Variants in PPIC observed in about 807,000 individuals in gnomAD.
PPIC encodes peptidyl-prolyl cis-trans isomerase C.
A neutral mutation model predicts 19.5 loss-of-function variants in PPIC; 19 were observed. The ratio of observed to expected loss-of-function variants is 0.98; its 90% CI spans 0.68 to 1.43. The LOEUF (loss-of-function observed/expected upper bound fraction) is 1.43. Ranked by LOEUF, PPIC falls within the 40% of genes most tolerant of loss-of-function variation. The pLI is 0.00. For synonymous variants in PPIC, 107 were observed against 101.2 expected (o/e 1.06, Z -0.34); for missense variants, 268 against 268.6 (o/e 1.00, Z 0.02).
chr5:123,030,597 G>T (rs1369192978), intron 1 of PPIC, among the ~76,000 whole-genome samples: 2 of 152,146 alleles, frequency 1.3e-5, no homozygotes, highest in African/African-American at 4.8e-5. Context: ...GTTCCATGTG[G>T]CATTTTACAA....
At chr5:123,024,121 G>T in intron 4 of PPIC, 118 bp from the exon 5 acceptor site, 1 of 1,295,790 alleles carries the variant, frequency 7.7e-7, no homozygotes, top group Non-Finnish European at 1.0e-6. Context: ...TTGGTTGGTT[G>T]GTTGGTTTTT....
At chr5:123,028,714 T>C (rs1762898571) in intron 3 of PPIC, 61 bp downstream of exon 3, 2 of 1,370,888 alleles carry the variant, frequency 1.5e-6, no homozygotes, top group Admixed American at 1.8e-5. Context: ...TGGGTTCATA[T>C]ACTGGCTTAA....
At chr5:123,026,101 A>T (rs774422901) in intron 3 of PPIC, 133 bp from the exon 4 acceptor site, 1 of 719,814 alleles carries the variant, frequency 1.4e-6, no homozygotes, top group Non-Finnish European at 2.2e-6. Flanking sequence ...ATGTTCAAAC[A>T]TAAGCAGACA....
chr5:123,028,376 A>G (rs1293391178), intron 3 of PPIC: 1 of 165,516 alleles, frequency 6.0e-6, no homozygotes, highest in African/African-American at 2.4e-5. Flanking sequence ...ATCTCCTGGC[A>G]TGAGGCCCGT....
chr5:123,026,015 A>T (rs1043665719), intron 3 of PPIC, 47 bp from the exon 4 acceptor site: 2 of 1,501,748 alleles, frequency 1.3e-6, no homozygotes, highest in Non-Finnish European at 1.8e-6. Context: ...TCCAAAAGTC[A>T]GCTCTTCAAA....
chr5:123,024,699 T>G (rs1476084161), intron 4 of PPIC, among the ~76,000 whole-genome samples: 1 of 152,222 alleles, frequency 6.6e-6, no homozygotes, highest in Non-Finnish European at 1.5e-5. Flanking sequence ...TTCCCAAACT[T>G]GTGTTAGATA....
Position 123,036,324 on chromosome 5 carries a change from C to T in PPIC, c.117+185G>A. ...CTCAGCCCAGCTCCCCCAGGGTCTCCCCCGGAGCGCCGGCCTCCCAGCACG... is the reference window on the plus strand; with the variant it reads ...CTCAGCCCAGCTCCCCCAGGGTCTCTCCCGGAGCGCCGGCCTCCCAGCACG... On this transcript the variant is annotated intron_variant, in intron 1 of 4. Transcript: ENST00000306442. This position sits in a 1 kb window ranked among gnomAD's most constrained non-coding sequence, Gnocchi z 4.5. The T allele has an allele frequency of 1.6e-6, 1 of 607,042 alleles. No homozygotes were observed. Among genetic ancestry groups the T allele is most frequent in the Non-Finnish European group, 2.9e-6 (1 of 344,462 alleles). The allele number at this position is 607,042 out of a possible 1,614,324, so 37.6% of individuals were successfully genotyped here.
In PPIC at chr5:123,028,837, T is replaced by G. The variant is rs1285385475; in HGVS notation, c.263A>C (p.His88Pro). ...AATCATGAAATCCTTGATGACACGA[T>G]GAAACTTGCTTCCTTTATATCCATA... is the stretch of plus-strand genomic sequence containing the variant. ...KGYGYKGSKFHRVIKDFMIQG... is the reference protein window; with the variant it reads ...KGYGYKGSKFPRVIKDFMIQG... Residue 88 changes from histidine (H) to proline (P), a missense_variant, in exon 3 of 5, where the codon CAT (histidine) becomes CCT (proline). Transcript: ENST00000306442. The G allele has an allele frequency of 3.7e-6, 6 of 1,613,392 alleles. No homozygotes were observed. Among genetic ancestry groups the G allele is most frequent in the Non-Finnish European group, 5.1e-6 (6 of 1,179,314 alleles).
intron 1 of PPIC, among the ~76,000 whole-genome samples, chr5:123,030,843 A>T (rs781485024): frequency 5.3e-5 from 8 of 152,222 alleles, no homozygotes; most frequent in Non-Finnish European, 1.0e-4. Context: ...ATAACGAAGC[A>T]GCACCCGGAA....
At chr5:123,032,226 C>G (rs1295459256) in intron 1 of PPIC, among the ~76,000 whole-genome samples, 1 of 152,194 alleles carries the variant, frequency 6.6e-6, no homozygotes, top group African/African-American at 2.4e-5. Context: ...TCATCCTCAC[C>G]ACACTGGGAA....
At position 123,029,422 on chromosome 5, in the gene PPIC, T is replaced by C. The variant is rs1468623968; in HGVS notation, c.118-4A>G. 2.5e-5 allele frequency: 39 copies of C among 1,573,622 alleles called. No individual in the cohort carries two copies. The highest frequency in any genetic ancestry group is 3.2e-5 in the Non-Finnish European group (37 of 1,160,046). On this transcript the variant is annotated splice_polypyrimidine_tract_variant and splice_region_variant and intron_variant, in intron 1 of 4. Coordinates refer to ENST00000306442, the MANE Select transcript of PPIC (RefSeq NM_000943.5). ...CAATCCTCACATCAAAGAAGACCTG[T>C]GTGCAGTTGAAAGGCAAAGTGGAAG...
In PPIC at chr5:123,036,229, C is replaced by G. The variant is rs45583233; in HGVS notation, c.117+280G>C. On this transcript the variant is annotated intron_variant, in intron 1 of 4. Coordinates refer to ENST00000306442, the MANE Select transcript of PPIC (RefSeq NM_000943.5). This position sits in a 1 kb window ranked among gnomAD's most constrained non-coding sequence, Gnocchi z 4.5. ...CGGTTCCGGAAGCCTCTCCTACCCC[C>G]AGGCTGGTCACCTCGGACTACCGAC... 860 of 487,334 alleles carry G rather than the reference C, an allele frequency of 1.8e-3. 7 individuals are homozygous for G. The highest frequency in any genetic ancestry group is 0.016 in the African/African-American group (756 of 48,550). The allele number at this position is 487,334 out of a possible 1,614,324, so 30.2% of individuals were successfully genotyped here. A position where few individuals can be genotyped will look rare whatever the true frequency, so the allele number is the denominator to read the frequency against.
intron 1 of PPIC, among the ~76,000 whole-genome samples, chr5:123,031,024 C>T (rs1218484141): frequency 6.6e-6 from 1 of 152,196 alleles, no homozygotes; most frequent in East Asian, 1.9e-4. Context: ...CATAACTCTT[C>T]AGCAAAAATC....
At chr5:123,031,636 G>A (rs1762943178) in intron 1 of PPIC, among the ~76,000 whole-genome samples, 1 of 152,188 alleles carries the variant, frequency 6.6e-6, no homozygotes, top group South Asian at 2.1e-4. Context: ...AGGCAAAAGA[G>A]AGAAGACAAA....
In PPIC at chr5:123,036,559, A is replaced by G; in HGVS notation, c.67T>C (p.Ser23Pro). ...TTGCGGAAGCCCTCGGCCCCCGAAGAAAACACAAGTGCGCCGAGCCCCACG... is the reference window on the plus strand; with the variant it reads ...TTGCGGAAGCCCTCGGCCCCCGAAGGAAACACAAGTGCGCCGAGCCCCACG... Reference protein sequence around the residue: ...LCVGLGALVFSSGAEGFRKRG... With the variant: ...LCVGLGALVFPSGAEGFRKRG... Residue 23 changes from serine to proline, a missense_variant, in exon 1 of 5, where the codon TCT becomes CCT. By Grantham distance (74) the Ser-to-Pro change is moderately conservative. Transcript: ENST00000306442. The surrounding 1 kb of genome is among the most constrained non-coding windows in gnomAD (Gnocchi z 4.5). The G allele has an allele frequency of 6.2e-7, 1 of 1,604,308 alleles. No individual in the cohort carries two copies. Among genetic ancestry groups the G allele is most frequent in the South Asian group, 1.1e-5 (1 of 89,346 alleles).
At chr5:123,033,868 G>A (rs983693149) in intron 1 of PPIC, among the ~76,000 whole-genome samples, 1 of 152,200 alleles carries the variant, frequency 6.6e-6, no homozygotes, top group African/African-American at 2.4e-5. Context: ...TCCCGATGCC[G>A]GATCCTGCAC....
intron 1 of PPIC, among the ~76,000 whole-genome samples, chr5:123,030,251 A>G (rs1163393156): frequency 3.3e-5 from 5 of 152,202 alleles, no homozygotes; most frequent in Non-Finnish European, 7.4e-5. Flanking sequence ...GTTCTCTTGG[A>G]CTTGTTTTTA....
chr5:123,032,416 G>C (rs1484214046), intron 1 of PPIC, among the ~76,000 whole-genome samples: 2 of 152,324 alleles, frequency 1.3e-5, no homozygotes, highest in Non-Finnish European at 2.9e-5. Flanking sequence ...AAACCCTAAG[G>C]AGTAGAAACA....
rs1459263781 is a variant in PPIC, at chr5:123,023,903, G to A, written c.611C>T (p.Pro204Leu). The part of the protein sequence containing the change: ...INSGKIDVKT[P>L]FVVEIADW ...CCAATCAGCGATCTCAACCACAAAA[G>A]GCGTTTTCACGTCTATCTTGCCACT... Residue 204 changes from proline (P) to leucine (L), a missense_variant, in exon 5 of 5, where the codon CCT becomes CTT. Coordinates refer to ENST00000306442, the MANE Select transcript of PPIC (RefSeq NM_000943.5). The A allele has an allele frequency of 6.2e-7, 1 of 1,613,168 alleles. No individual in the cohort carries two copies.
Sources: allele counts gnomAD v4.1 joint callset (sites outside exome capture counted in the v4.1 genomes callset), GRCh38; gene constraint gnomAD v4.1.1; non-coding constraint Gnocchi (gnomAD v3.1); transcripts MANE v1.5; gene names NCBI Gene and HGNC (gene_info 2026-07-23, HGNC 2026-07-21).